DOCK3: variants seen among roughly 807,000 people sequenced by gnomAD.
DOCK3 encodes the protein dedicator of cytokinesis 3.
In DOCK3, 60 loss-of-function variants were observed where a neutral mutation model predicts 265.6. The observed-to-expected ratio is 0.23, with a 90% CI of 0.18 to 0.28. The LOEUF is 0.28. Among genes scored for constraint, DOCK3 ranks in the 10% least tolerant of loss-of-function variants. DOCK3 has a pLI of 1.00. For missense variants in DOCK3, 1,981 were observed against 2,594.3 expected (o/e 0.76, Z 5.14); for synonymous variants, 881 against 938.0 (o/e 0.94, Z 1.11).
At chr3:50,776,371 T>C (rs115903425) in intron 1 of DOCK3, among the ~76,000 whole-genome samples, 1,725 of 152,204 alleles carry the variant, frequency 0.011, 42 homozygotes, top group African/African-American at 0.039. Flanking sequence ...GTTTGTTGGC[T>C]GTTTGTGTAT....
chr3:51,069,773 C>T (rs2081772844), intron 6 of DOCK3, among the ~76,000 whole-genome samples: 1 of 152,146 alleles, frequency 6.6e-6, no homozygotes, highest in South Asian at 2.1e-4. Context: ...GATACACAAG[C>T]AGTAGTTTAG....
At chr3:50,801,154 A>T (rs986351234) in intron 2 of DOCK3, among the ~76,000 whole-genome samples, 1 of 152,114 alleles carries the variant, frequency 6.6e-6, no homozygotes, top group Non-Finnish European at 1.5e-5. Context: ...GTGCACCCTC[A>T]CAGATGGAGC....
chr3:51,358,189 G>T (rs2086491490), intron 46 of DOCK3, 112 bp downstream of exon 46: 1 of 1,061,660 alleles, frequency 9.4e-7, no homozygotes, highest in Admixed American at 2.2e-5. Context: ...GCAGGGGCCG[G>T]GGTTGGGGAG....
At chr3:51,252,752 T>G (rs4974101) in intron 22 of DOCK3, among the ~76,000 whole-genome samples, 138,868 of 152,262 alleles carry the variant, frequency 0.91, 63,471 homozygotes, top group African/African-American at 0.96. Context: ...TCAGCTTAAG[T>G]AGATTTTGGG....
chr3:50,727,991 C>G (rs1433922637), intron 1 of DOCK3, among the ~76,000 whole-genome samples: 1 of 152,112 alleles, frequency 6.6e-6, no homozygotes, highest in Non-Finnish European at 1.5e-5. Flanking sequence ...GATCATTATA[C>G]CCAACAGAGT....
chr3:50,950,677 AG>A (rs2076565921), intron 5 of DOCK3, among the ~76,000 whole-genome samples: 2 of 152,038 alleles, frequency 1.3e-5, no homozygotes, highest in African/African-American at 4.8e-5. Context: ...CCAGCCTTCC[AG>A]GGTTTGATAC....
At chr3:50,938,341 G>A (rs750137580) in intron 5 of DOCK3, among the ~76,000 whole-genome samples, 3 of 152,086 alleles carry the variant, frequency 2.0e-5, no homozygotes, top group Non-Finnish European at 4.4e-5. Flanking sequence ...GATTAATAAC[G>A]CATTCTCTTA....
At chr3:50,705,168 C>T (rs1240340776) in intron 1 of DOCK3, among the ~76,000 whole-genome samples, 1 of 151,774 alleles carries the variant, frequency 6.6e-6, no homozygotes, top group Non-Finnish European at 1.5e-5. Flanking sequence ...CACTGTTCTA[C>T]CAGTGAGTTT....
At chr3:50,748,354 A>G (rs1486952452) in intron 1 of DOCK3, among the ~76,000 whole-genome samples, 1 of 152,078 alleles carries the variant, frequency 6.6e-6, no homozygotes, top group East Asian at 1.9e-4. Context: ...TGTAAAGTTG[A>G]CTTTTTAAAC....
At chr3:50,796,782 T>C (rs2042811310) in intron 2 of DOCK3, among the ~76,000 whole-genome samples, 1 of 152,172 alleles carries the variant, frequency 6.6e-6, no homozygotes, top group South Asian at 2.1e-4. Flanking sequence ...ACTTTTATCC[T>C]AGTTGATGAC....
intron 4 of DOCK3, among the ~76,000 whole-genome samples, chr3:50,927,466 G>A (rs1575550779): frequency 6.6e-6 from 1 of 152,096 alleles, no homozygotes; most frequent in East Asian, 1.9e-4. Flanking sequence ...TGAGGTGATG[G>A]ATATTCCATT....
intron 9 of DOCK3, among the ~76,000 whole-genome samples, chr3:51,107,973 A>G (rs981441101): frequency 2.0e-5 from 3 of 152,234 alleles, no homozygotes; most frequent in African/African-American, 4.8e-5. Flanking sequence ...AAGCCCATCA[A>G]ACAAATAGTG....
chr3:50,702,018 T>C (rs2036073773), intron 1 of DOCK3, among the ~76,000 whole-genome samples: 1 of 152,250 alleles, frequency 6.6e-6, no homozygotes, highest in Non-Finnish European at 1.5e-5. Context: ...CTAGCTTTGT[T>C]CTTTTTGTAC....
chr3:51,245,636 C>T (rs1005129469), intron 21 of DOCK3, among the ~76,000 whole-genome samples: 10 of 151,936 alleles, frequency 6.6e-5, no homozygotes, highest in Admixed American at 2.0e-4. Flanking sequence ...CGTGATCCAC[C>T]CGCCTCAGCC....
At chr3:51,260,072 G>A (rs1004621266) in intron 22 of DOCK3, 84 bp from the exon 23 acceptor site, 2 of 1,383,232 alleles carry the variant, frequency 1.4e-6, no homozygotes, top group Non-Finnish European at 2.0e-6. Context: ...AGAAACTGCT[G>A]TTACTTTGCC....
intron 1 of DOCK3, among the ~76,000 whole-genome samples, chr3:50,676,345 G>C (rs1293858725): frequency 1.3e-5 from 2 of 152,168 alleles, no homozygotes; most frequent in Non-Finnish European, 2.9e-5. Context: ...ATTTAAATTC[G>C]AGGACCAGCA....
At chr3:51,069,546 GTATATATGTGTGTA>G (rs1245874245) in intron 6 of DOCK3, among the ~76,000 whole-genome samples, 13 of 151,420 alleles carry the variant, frequency 8.6e-5, no homozygotes, top group East Asian at 3.9e-4. Context: ...ATATATGTGT[GTATATATGTGTGTA>G]TATATATGTG....
rs62257529 is a variant in DOCK3 at position 51,361,351 on chromosome 3, T to G, written c.5007-508T>G. 0.02 allele frequency among the ~76,000 whole-genome samples: 3,010 copies of G among 152,218 alleles called. 50 individuals are homozygous for G. The highest frequency in any genetic ancestry group is 0.032 in the Non-Finnish European group (2,203 of 68,008). ...TTTCCTGGTATTGCTAGAGGAGAGC[T>G]ATTGACAAGCCTTTTGGCCACAGAT... On this transcript the variant is annotated intron_variant, in intron 47 of 52. Transcript: ENST00000266037. The surrounding 1 kb of genome is among the most constrained non-coding windows in gnomAD (Gnocchi z 4.2).
intron 5 of DOCK3, among the ~76,000 whole-genome samples, chr3:51,053,108 T>TAG (rs1223766347): frequency 9.0e-6 from 1 of 110,934 alleles, no homozygotes; most frequent in African/African-American, 3.1e-5. Context: ...TATATATATA[T>TAG]ATATATATAT....
Sources: allele counts gnomAD v4.1 joint callset (sites outside exome capture counted in the v4.1 genomes callset), GRCh38; gene constraint gnomAD v4.1.1; non-coding constraint Gnocchi (gnomAD v3.1); transcripts MANE v1.5; gene names NCBI Gene and HGNC (gene_info 2026-07-23, HGNC 2026-07-21).